The following STXBP6 variants were observed in gnomAD, a reference collection of about 807,000 sequenced individuals.
STXBP6 encodes the protein syntaxin-binding protein 6.
Under a neutral mutation model 26.9 loss-of-function variants are expected in STXBP6, and 21 were observed. The observed-to-expected ratio is 0.78, with a 90% CI of 0.55 to 1.12. The LOEUF is 1.12. Among genes scored for constraint, STXBP6 ranks in the 50% most tolerant of loss-of-function variants. The probability of loss-of-function intolerance (pLI) is 0.00; values close to 1 mark genes in which losing one functional copy is unlikely to be tolerated. For synonymous variants in STXBP6, 97 were observed against 92.6 expected, an observed-to-expected ratio of 1.05 and a Z score of -0.27; for missense variants, 232 against 257.9, an observed-to-expected ratio of 0.90 and a Z score of 0.69.
chr14:24,935,285 G>C (rs976967121), intron 2 of STXBP6, among the ~76,000 whole-genome samples: 1 of 151,958 alleles, frequency 6.6e-6, no homozygotes, highest in Non-Finnish European at 1.5e-5. Context: ...TTATAATATA[G>C]GAATCTCCAA....
chr14:24,887,549 C>A (rs774630640), intron 2 of STXBP6, among the ~76,000 whole-genome samples: 1 of 152,076 alleles, frequency 6.6e-6, no homozygotes, highest in Non-Finnish European at 1.5e-5. Flanking sequence ...GTTTTGCAAA[C>A]AGGGCTTATT....
intron 1 of STXBP6, among the ~76,000 whole-genome samples, chr14:25,016,826 T>C (rs960219475): frequency 5.9e-5 from 9 of 152,182 alleles, no homozygotes; most frequent in African/African-American, 1.2e-4. Flanking sequence ...GGAGATGGCA[T>C]GGCTTCACAC....
chr14:24,886,920 G>A (rs2139485557), intron 2 of STXBP6, among the ~76,000 whole-genome samples: 1 of 152,292 alleles, frequency 6.6e-6, no homozygotes, highest in Admixed American at 6.5e-5. Context: ...CAGGTATTGA[G>A]CTATGCCTTC....
chr14:25,028,487 T>C (rs2075390177), intron 1 of STXBP6, among the ~76,000 whole-genome samples: 1 of 152,144 alleles, frequency 6.6e-6, no homozygotes, highest in Non-Finnish European at 1.5e-5. Flanking sequence ...TTTAAGCTCA[T>C]TGTTGAGACT....
chr14:24,866,147 T>C (rs563719893), intron 2 of STXBP6, among the ~76,000 whole-genome samples: 3 of 152,152 alleles, frequency 2.0e-5, no homozygotes, highest in South Asian at 2.1e-4. Flanking sequence ...GTGGGTCTCA[T>C]CCAGTCAGTA....
chr14:24,826,382 A>G (rs1441231873), intron 4 of STXBP6, among the ~76,000 whole-genome samples: 1 of 152,170 alleles, frequency 6.6e-6, no homozygotes, highest in Non-Finnish European at 1.5e-5. Flanking sequence ...TGGCCCATAG[A>G]CACTGAACCT....
At chr14:25,022,179 A>G (rs2075273702) in intron 1 of STXBP6, among the ~76,000 whole-genome samples, 1 of 152,212 alleles carries the variant, frequency 6.6e-6, no homozygotes, top group South Asian at 2.1e-4. Flanking sequence ...AAAAGCCTAG[A>G]AGTACATAGT....
intron 1 of STXBP6, among the ~76,000 whole-genome samples, chr14:24,992,638 T>C (rs1279999863): frequency 6.6e-6 from 1 of 152,186 alleles, no homozygotes; most frequent in African/African-American, 2.4e-5. Flanking sequence ...AAATTTTGTT[T>C]ATAAAAACAA....
At chr14:24,919,528 C>CTT (rs563326736) in intron 2 of STXBP6, among the ~76,000 whole-genome samples, 1,451 of 144,696 alleles carry the variant, frequency 0.01, 19 homozygotes, top group African/African-American at 0.035. Context: ...TCAATACGCA[C>CTT]TTTTTTTTTT....
intron 2 of STXBP6, among the ~76,000 whole-genome samples, chr14:24,926,415 G>A (rs117059581): frequency 0.019 from 2,943 of 152,144 alleles, 32 homozygotes; most frequent in Middle Eastern, 0.054. Context: ...TGTAGAAATG[G>A]CACGGGATTG....
At chr14:24,960,615 G>A (rs186070358) in intron 2 of STXBP6, among the ~76,000 whole-genome samples, 18 of 152,158 alleles carry the variant, frequency 1.2e-4, no homozygotes, top group South Asian at 4.1e-4. Flanking sequence ...GAACACTCCC[G>A]ATGGGCACGT....
chr14:24,997,773 T>C (rs28722832), intron 1 of STXBP6, among the ~76,000 whole-genome samples: 34,974 of 152,132 alleles, frequency 0.23, 6,693 homozygotes, highest in African/African-American at 0.53. Context: ...GACTTCTTCC[T>C]ATGAATATAT....
At chr14:24,952,299 C>CT (rs891969224) in intron 2 of STXBP6, among the ~76,000 whole-genome samples, 14 of 149,376 alleles carry the variant, frequency 9.4e-5, no homozygotes, top group African/African-American at 3.5e-4. Context: ...TTCTTTATCC[C>CT]TTAAAAAAAA....
intron 1 of STXBP6, chr14:24,987,939 G>A (rs987124357): frequency 3.1e-6 from 3 of 955,988 alleles, no homozygotes; most frequent in Admixed American, 6.2e-5. Flanking sequence ...GAGAAGAAGA[G>A]CAACAAAGTA....
chr14:24,887,915 C>T (rs930400232), intron 2 of STXBP6, among the ~76,000 whole-genome samples: 2 of 152,130 alleles, frequency 1.3e-5, no homozygotes, highest in African/African-American at 4.8e-5. Flanking sequence ...TTAGGACACA[C>T]TGCATTTCTT....
At chr14:24,916,522 T>C (rs759696935) in intron 2 of STXBP6, among the ~76,000 whole-genome samples, 1 of 152,130 alleles carries the variant, frequency 6.6e-6, no homozygotes, top group Non-Finnish European at 1.5e-5. Flanking sequence ...AGAAGTTTAA[T>C]CTCTATCTGA....
chr14:24,943,377 C>G (rs905944627), intron 2 of STXBP6, among the ~76,000 whole-genome samples: 5 of 151,264 alleles, frequency 3.3e-5, no homozygotes, highest in Admixed American at 6.6e-5. Context: ...GAGGTACCCA[C>G]CTGGACTCCT....
At chr14:24,855,234 C>G (rs2069287331) in intron 4 of STXBP6, among the ~76,000 whole-genome samples, 1 of 152,092 alleles carries the variant, frequency 6.6e-6, no homozygotes, top group South Asian at 2.1e-4. Context: ...TAAAAACAGT[C>G]TTTCAAAACC....
intron 1 of STXBP6, among the ~76,000 whole-genome samples, chr14:25,045,096 AC>A (rs2075705078): frequency 6.6e-6 from 1 of 152,222 alleles, no homozygotes; most frequent in South Asian, 2.1e-4. Context: ...AAACCATCCC[AC>A]CCACAATATT....
Sources: gnomAD v4.1 joint callset for allele counts (sites outside exome capture counted in the v4.1 genomes callset) on GRCh38, gnomAD v4.1.1 for gene constraint, MANE v1.5 for transcripts, NCBI Gene and HGNC (gene_info 2026-07-23, HGNC 2026-07-21) for gene names.